Variants in ZNF836 observed in about 807,000 individuals in gnomAD.
ZNF836 encodes zinc finger protein 836.
A neutral mutation model predicts 7.4 loss-of-function variants in ZNF836; 12 were observed. The ratio of observed to expected loss-of-function variants is 1.61; its 90% CI spans 1.03 to 2.61. ZNF836 has a LOEUF of 2.61. Ranked by LOEUF, ZNF836 falls within the 30% of genes most tolerant of loss-of-function variation. The probability of loss-of-function intolerance (pLI) is 0.00; values close to 1 mark genes in which losing one functional copy is unlikely to be tolerated. For synonymous variants in ZNF836, 365 were observed against 382.6 expected (o/e 0.95, Z 0.54); for missense variants, 998 against 1,126.2 (o/e 0.89, Z 1.63).
At position 52,163,564 on chromosome 19, in the gene ZNF836, A is replaced by G. The variant is rs2089233126; in HGVS notation, c.16-2973T>C. On this transcript the variant is annotated intron_variant, in intron 3 of 4. Transcript: ENST00000682614. ...CCGAGGTGGGCGGATCACAAGGTCA[A>G]GAGATCGAAACCATCCTGGCCAACA... Among the ~76,000 whole-genome samples the G allele has an allele frequency of 6.6e-5, 10 of 152,108 alleles. No homozygotes were observed. In the South Asian group the frequency reaches 1.7e-3, roughly 25 times the overall value.
rs2089211339 is a variant in ZNF836, at chr19:52,161,378, G to A, written c.16-787C>T. 6.6e-6 allele frequency among the ~76,000 whole-genome samples: 1 copy of A among 152,178 alleles called. No individual in the cohort carries two copies. The highest frequency in any genetic ancestry group is 1.5e-5 in the Non-Finnish European group (1 of 68,036). On this transcript the variant is annotated intron_variant, in intron 3 of 4. Transcript: ENST00000682614. The surrounding 1 kb of genome is among the most constrained non-coding windows in gnomAD (Gnocchi z 4.1). ...GAAATCCAAGATCAAGGTGCCAGCAGGACTGATGTCTGGTGAGAGATGATC... is the reference window on the plus strand; with the variant it reads ...GAAATCCAAGATCAAGGTGCCAGCAAGACTGATGTCTGGTGAGAGATGATC...
chr19:52,162,500 G>A (rs929264787), intron 3 of ZNF836, among the ~76,000 whole-genome samples: 4 of 152,182 alleles, frequency 2.6e-5, no homozygotes, highest in African/African-American at 4.8e-5. Context: ...TGTTGTAACC[G>A]ACCTCAATCC....
rs1318045444 is a variant in ZNF836 at position 52,156,484 on chromosome 19, T to A, written c.1199A>T (p.Asn400Ile). The change falls in exon 5 of 5, where the codon AAC (asparagine) becomes ATC (isoleucine). Residue 400 changes from asparagine (N) to isoleucine (I), a missense_variant. Asn to Ile is a moderately radical substitution (Grantham distance 149). Coordinates refer to ENST00000682614, the MANE Select transcript of ZNF836 (RefSeq NM_001102657.3). Reference sequence around the variant, plus strand: ...ATGAACTGTCTGATGAGTTGCCAGGTTGGAACTTTGACTAAAGGACTTTCC... The same window carrying A: ...ATGAACTGTCTGATGAGTTGCCAGGATGGAACTTTGACTAAAGGACTTTCC... The part of the protein sequence containing the change: ...ICGKSFSQSS[N>I]LATHQTVHSG... 1.9e-6 allele frequency: 3 copies of A among 1,614,058 alleles called. No individual in the cohort carries two copies. Among genetic ancestry groups the A allele is most frequent in the Non-Finnish European group, 2.5e-6 (3 of 1,180,046 alleles).
intron 3 of ZNF836, 128 bp from the exon 4 acceptor site, chr19:52,160,719 G>A: frequency 8.4e-7 from 1 of 1,183,458 alleles, no homozygotes; most frequent in Non-Finnish European, 1.2e-6. Flanking sequence ...AGGCATCTGT[G>A]AGAAGGTTAT....
At chr19:52,158,172 G>A (rs2089183332) in intron 4 of ZNF836, among the ~76,000 whole-genome samples, 1 of 152,036 alleles carries the variant, frequency 6.6e-6, no homozygotes, top group African/African-American at 2.4e-5. Flanking sequence ...TTTCCACCAT[G>A]CCCCCAAATC....
In ZNF836 at chr19:52,157,377, C is replaced by T. The variant is rs566236255; in HGVS notation, c.306G>A (p.Trp102Ter). The T allele has an allele frequency of 5.6e-6, 9 of 1,607,638 alleles. No homozygotes were observed. The highest frequency in any genetic ancestry group is 8.5e-7 in the Non-Finnish European group (1 of 1,178,478). Residue 102 changes from tryptophan to a stop codon, truncating the protein, a stop_gained, in exon 5 of 5, where the codon TGG (tryptophan) becomes TGA (stop). Coordinates refer to ENST00000682614, the MANE Select transcript of ZNF836 (RefSeq NM_001102657.3). LOFTEE classifies it low-confidence loss of function (END_TRUNC). The part of the protein sequence containing the change: ...QKNLQDLEFQ[W>*]KDGEINYKEV... Reference sequence around the variant, plus strand: ...CTTTATAATTTATTTCACCATCTTTCCATTGAAACTCAAGGTCCTGTAGAT... The same window carrying T: ...CTTTATAATTTATTTCACCATCTTTTCATTGAAACTCAAGGTCCTGTAGAT...
At chr19:52,164,446 AG>A (rs2089243103) in intron 3 of ZNF836, among the ~76,000 whole-genome samples, 1 of 129,288 alleles carries the variant, frequency 7.7e-6, no homozygotes, top group Non-Finnish European at 1.7e-5. Flanking sequence ...AGAGAGAGAG[AG>A]AAAAGGAAGG....
chr19:52,158,976 G>C (rs958874430), intron 4 of ZNF836, among the ~76,000 whole-genome samples: 1 of 152,060 alleles, frequency 6.6e-6, no homozygotes, highest in Non-Finnish European at 1.5e-5. Context: ...ATGTGAAAAA[G>C]CTTTTGCTTT....
At chr19:52,166,773 G>T (rs948802503) in intron 3 of ZNF836, among the ~76,000 whole-genome samples, 2 of 150,996 alleles carry the variant, frequency 1.3e-5, no homozygotes, top group African/African-American at 4.9e-5. Context: ...TAGAGACGGG[G>T]TTTCACCTTG....
At position 52,157,388 on chromosome 19, in the gene ZNF836, C is replaced by G; in HGVS notation, c.295G>C (p.Glu99Gln). The G allele has an allele frequency of 6.2e-7, 1 of 1,609,360 alleles. No homozygotes were observed. Among genetic ancestry groups the G allele is most frequent in the Non-Finnish European group, 8.5e-7 (1 of 1,178,900 alleles). Residue 99 changes from glutamate to glutamine, a missense_variant, in exon 5 of 5, where the codon GAG becomes CAG. Transcript: ENST00000682614. Reference sequence around the variant, plus strand: ...ATTTCACCATCTTTCCATTGAAACTCAAGGTCCTGTAGATTTTTCTGGATT... The same window carrying G: ...ATTTCACCATCTTTCCATTGAAACTGAAGGTCCTGTAGATTTTTCTGGATT... ...REIQKNLQDL[E>Q]FQWKDGEINY...
chr19:52,168,173 G>T, intron 2 of ZNF836, 21 bp from the exon 3 acceptor site: 1 of 1,492,554 alleles, frequency 6.7e-7, no homozygotes, highest in Non-Finnish European at 9.1e-7. Context: ...AAAATCTGTT[G>T]TTTAATGCTT....
intron 4 of ZNF836, among the ~76,000 whole-genome samples, chr19:52,159,460 A>C (rs1298409934): frequency 1.3e-5 from 2 of 152,212 alleles, no homozygotes; most frequent in African/African-American, 4.8e-5. Flanking sequence ...AAACTGGCCA[A>C]ACAGTCAGTG....
At chr19:52,167,954 C>T (rs942883637) in intron 3 of ZNF836, 104 bp downstream of exon 3, 11 of 832,158 alleles carry the variant, frequency 1.3e-5, no homozygotes, top group East Asian at 2.5e-5. Flanking sequence ...TGGCAGCAAA[C>T]GTGTCAGGCA....
At chr19:52,160,347 T>A in intron 4 of ZNF836, 118 bp downstream of exon 4, 1 of 1,271,746 alleles carries the variant, frequency 7.9e-7, no homozygotes, top group Non-Finnish European at 1.1e-6. Context: ...TTTTTATTTG[T>A]GAGTCAACAA....
At position 52,157,499 on chromosome 19, in the gene ZNF836, C is replaced by T; in HGVS notation, c.184G>A (p.Gly62Arg). ...KCMTKELPPI[G>R]NSNTGEKCQT... ...CATTTTTCTCCTGTATTACTGTTCC[C>T]TATTGGTGGTAATTCCTTGGTCATA... is the stretch of plus-strand genomic sequence containing the variant. The change falls in exon 5 of 5, where the codon GGG becomes AGG. Residue 62 changes from glycine to arginine, a missense_variant. Transcript: ENST00000682614. The T allele has an allele frequency of 1.3e-6, 2 of 1,555,476 alleles. No homozygotes were observed. Among genetic ancestry groups the T allele is most frequent in the Middle Eastern group, 1.7e-4 (1 of 5,776 alleles).
chr19:52,156,030 C>A lies in ZNF836; in HGVS notation c.1653G>T (p.Glu551Asp), dbSNP rs772838990. The change falls in exon 5 of 5, where the codon GAG becomes GAT. Residue 551 changes from glutamate to aspartate, a missense_variant. Coordinates refer to ENST00000682614, the MANE Select transcript of ZNF836 (RefSeq NM_001102657.3). Reference sequence around the variant, plus strand: ...CACACACATTACATTTGTAAGGTTGCTCCCCAGTATGAATTCTTAAATGTC... The same window carrying A: ...CACACACATTACATTTGTAAGGTTGATCCCCAGTATGAATTCTTAAATGTC... ...LVRHLRIHTG[E>D]QPYKCNVCGK... 3 of 1,614,050 alleles carry A rather than the reference C, an allele frequency of 1.9e-6. No homozygotes were observed. Among genetic ancestry groups the A allele is most frequent in the Non-Finnish European group, 2.5e-6 (3 of 1,179,902 alleles).
rs749944846 is a variant in ZNF836 at position 52,160,570 on chromosome 19, C to T, written c.37G>A (p.Val13Ile). Residue 13 changes from valine to isoleucine, a missense_variant, in exon 4 of 5, where the codon GTA (valine) becomes ATA (isoleucine). Val to Ile is a conservative substitution (Grantham distance 29, BLOSUM62 3). Coordinates refer to ENST00000682614, the MANE Select transcript of ZNF836 (RefSeq NM_001102657.3). ...TCCTCCTGAGAGAATTCTATGGCTA[C>T]ATCCCTGAATGTCAAAGGTCCCTGA... ...LTQGPLTFRD[V>I]AIEFSQEEWK... 5.1e-5 allele frequency: 82 copies of T among 1,611,674 alleles called. No homozygotes were observed. The South Asian group carries it at 8.7e-4, about 17-fold the overall frequency.
chr19:52,162,818 C>T (rs35897677), intron 3 of ZNF836, among the ~76,000 whole-genome samples: 18,047 of 152,194 alleles, frequency 0.12, 1,240 homozygotes, highest in South Asian at 0.28. Flanking sequence ...AACCTTCTGG[C>T]GGCAGGCGCA....
Position 52,155,684 on chromosome 19 carries a change from T to G in ZNF836, c.1999A>C (p.Lys667Gln). ...TAGGCTTTGCCACAATCATTACATT[T>G]GTAAGGTTTCTCTCCGGTATGAATT... ...RKIHTGEKPY[K>Q]CNDCGKAYTQ... Residue 667 changes from lysine (K) to glutamine (Q), a missense_variant, in exon 5 of 5, where the codon AAA (lysine) becomes CAA (glutamine). By Grantham distance (53) the Lys-to-Gln change is moderately conservative. Transcript: ENST00000682614. The G allele has an allele frequency of 1.2e-6, 2 of 1,614,092 alleles. No individual in the cohort carries two copies. Among genetic ancestry groups the G allele is most frequent in the Non-Finnish European group, 1.7e-6 (2 of 1,179,998 alleles).
Sources: allele counts gnomAD v4.1 joint callset (sites outside exome capture counted in the v4.1 genomes callset), GRCh38; gene constraint gnomAD v4.1.1; non-coding constraint Gnocchi (gnomAD v3.1); transcripts MANE v1.5; gene names NCBI Gene and HGNC (gene_info 2026-07-23, HGNC 2026-07-21).